Variants in KCNAB1 observed in about 807,000 individuals in gnomAD.
KCNAB1 encodes the protein potassium voltage-gated channel subfamily A regulatory beta subunit 1, also known as voltage-gated potassium channel subunit beta-1.
Under a neutral mutation model 64.6 loss-of-function variants are expected in KCNAB1, and 35 were observed. The observed-to-expected ratio is 0.54, with a 90% confidence interval of 0.41 to 0.72. The LOEUF (loss-of-function observed/expected upper bound fraction) is 0.72. KCNAB1 is among the 30% of genes least tolerant of loss of function. The pLI, the probability that KCNAB1 is intolerant of heterozygous loss-of-function variation, is 0.00. For missense variants in KCNAB1, 401 were observed against 512.9 expected (o/e 0.78, Z 2.11); for synonymous variants, 177 against 183.8 (o/e 0.96, Z 0.30).
At chr3:156,446,223 G>A (rs1179235923) in intron 2 of KCNAB1, 27 of 152,218 alleles carry the variant, frequency 1.8e-4, no homozygotes, top group Admixed American at 1.8e-3. Context: ...AAGGATCTCA[G>A]GTGGTGGCCA....
intron 1 of KCNAB1, among the ~76,000 whole-genome samples, chr3:156,274,509 T>TA (rs1487050250): frequency 8.3e-5 from 10 of 120,336 alleles, no homozygotes; most frequent in Non-Finnish European, 2.0e-4. Context: ...AGGTAAGAAC[T>TA]TTTTTTTTTC....
chr3:156,365,359 T>C (rs1725880290), intron 1 of KCNAB1, among the ~76,000 whole-genome samples: 1 of 152,214 alleles, frequency 6.6e-6, no homozygotes, highest in African/African-American at 2.4e-5. Context: ...AGTGTTAATT[T>C]CTATTTTCTG....
intron 1 of KCNAB1, among the ~76,000 whole-genome samples, chr3:156,304,278 T>C (rs1721340128): frequency 1.3e-5 from 2 of 152,218 alleles, no homozygotes; most frequent in African/African-American, 2.4e-5. Flanking sequence ...AATCATTCTT[T>C]ATGCTGATTA....
At chr3:156,364,969 G>A (rs1019255027) in intron 1 of KCNAB1, among the ~76,000 whole-genome samples, 1 of 152,180 alleles carries the variant, frequency 6.6e-6, no homozygotes, top group African/African-American at 2.4e-5. Flanking sequence ...TAATAGCAAA[G>A]CTAAATATCA....
intron 1 of KCNAB1, among the ~76,000 whole-genome samples, chr3:156,329,345 T>C (rs1265467286): frequency 6.6e-6 from 1 of 152,024 alleles, no homozygotes; most frequent in Non-Finnish European, 1.5e-5. Flanking sequence ...ATTGAGATGC[T>C]GGGGCAGGGG....
At chr3:156,178,728 G>A (rs866224841) in intron 1 of KCNAB1, among the ~76,000 whole-genome samples, 1 of 151,962 alleles carries the variant, frequency 6.6e-6, no homozygotes, top group Non-Finnish European at 1.5e-5. Flanking sequence ...TTGGCCGGGC[G>A]CGGTGGCTCA....
rs369415327 is a variant in KCNAB1 at position 156,536,792 on chromosome 3, T to C, written c.*45T>C. 110 of 1,331,388 alleles carry C rather than the reference T, an allele frequency of 8.3e-5. No homozygotes were observed. The highest frequency in any genetic ancestry group is 1.0e-4 in the Non-Finnish European group (96 of 923,152). The allele number at this position is 1,331,388 out of a possible 1,614,324, so 82.5% of individuals were successfully genotyped here. A position where few individuals can be genotyped will look rare whatever the true frequency, so the allele number is the denominator to read the frequency against. ...AAGCTGCATGGTTAAAATAGCGGCC[T>C]GTGCCCAGTACAGAAAGGTGTTACT... On this transcript the variant is annotated 3_prime_UTR_variant, in exon 14 of 14. Transcript: ENST00000490337.
At chr3:156,170,766 A>G (rs917269380) in intron 1 of KCNAB1, among the ~76,000 whole-genome samples, 1 of 152,146 alleles carries the variant, frequency 6.6e-6, no homozygotes, top group African/African-American at 2.4e-5. Context: ...ATTGAGTCCT[A>G]TTGGAACAAA....
Position 156,126,770 on chromosome 3 carries a change from C to T in KCNAB1, c.275+5884C>T, listed in dbSNP as rs113256486. On this transcript the variant is annotated intron_variant, in intron 1 of 13. Transcript: ENST00000490337. ...TATCAGCTATGTGATTTAGTCTTCT[C>T]AGCTATAAAAAGTGGGTAATGATGG... is the stretch of plus-strand genomic sequence containing the variant. Among the ~76,000 whole-genome samples the T allele has an allele frequency of 1.1e-3, 161 of 152,270 alleles. 2 individuals carry two copies. Among genetic ancestry groups the T allele is most frequent in the African/African-American group, 3.6e-3 (151 of 41,542 alleles).
intron 1 of KCNAB1, among the ~76,000 whole-genome samples, chr3:156,362,044 G>A (rs1309156117): frequency 1.3e-5 from 2 of 152,140 alleles, no homozygotes; most frequent in African/African-American, 2.4e-5. Context: ...AAATACAATT[G>A]TAAAAAAACT....
chr3:156,233,954 A>G (rs751954870), intron 1 of KCNAB1, among the ~76,000 whole-genome samples: 6 of 151,830 alleles, frequency 4.0e-5, no homozygotes, highest in Admixed American at 2.0e-4. Context: ...TGACCATTAT[A>G]CACCCAAGCA....
chr3:156,366,248 G>A (rs1224600522), intron 1 of KCNAB1, among the ~76,000 whole-genome samples: 1 of 152,066 alleles, frequency 6.6e-6, no homozygotes, highest in African/African-American at 2.4e-5. Flanking sequence ...ACAAATGATG[G>A]GATGAAAAAA....
intron 11 of KCNAB1, among the ~76,000 whole-genome samples, chr3:156,520,277 A>G (rs1717852981): frequency 6.6e-6 from 1 of 152,204 alleles, no homozygotes; most frequent in African/African-American, 2.4e-5. Flanking sequence ...TTGATGGCAA[A>G]ATGCTTTCTA....
At chr3:156,160,797 G>T (rs188531716) in intron 1 of KCNAB1, among the ~76,000 whole-genome samples, 2 of 152,198 alleles carry the variant, frequency 1.3e-5, no homozygotes, top group Admixed American at 6.5e-5. Context: ...AGCTTTGTTC[G>T]CTGCATTCTG....
At chr3:156,481,870 G>A (rs1714834988) in intron 8 of KCNAB1, among the ~76,000 whole-genome samples, 1 of 152,120 alleles carries the variant, frequency 6.6e-6, no homozygotes, top group South Asian at 2.1e-4. Flanking sequence ...TAACAATGTG[G>A]TTACAGCACC....
At chr3:156,412,531 A>G (rs181137039) in intron 1 of KCNAB1, among the ~76,000 whole-genome samples, 9 of 152,364 alleles carry the variant, frequency 5.9e-5, no homozygotes, top group African/African-American at 2.2e-4. Context: ...TCACTGAAGT[A>G]TTGAGTCGCA....
At chr3:156,411,652 CA>C (rs1417492506) in intron 1 of KCNAB1, among the ~76,000 whole-genome samples, 2 of 152,116 alleles carry the variant, frequency 1.3e-5, no homozygotes, top group Non-Finnish European at 2.9e-5. Flanking sequence ...GCACCTTTGT[CA>C]AAAATTAGTT....
chr3:156,176,482 C>T, intron 1 of KCNAB1: 1 of 790,562 alleles, frequency 1.3e-6, no homozygotes, highest in Non-Finnish European at 2.3e-6. Context: ...TTTTAACCCT[C>T]TTGCCCGTTT....
chr3:156,534,966 A>T (rs972398793), intron 13 of KCNAB1, among the ~76,000 whole-genome samples: 8 of 151,788 alleles, frequency 5.3e-5, no homozygotes, highest in African/African-American at 1.9e-4. Flanking sequence ...CTTTGGTGTA[A>T]TGAATGAAGG....
Sources: gnomAD v4.1 joint callset for allele counts (sites outside exome capture counted in the v4.1 genomes callset) on GRCh38, gnomAD v4.1.1 for gene constraint, MANE v1.5 for transcripts, NCBI Gene and HGNC (gene_info 2026-07-23, HGNC 2026-07-21) for gene names.